Variants in PTPRF observed in about 807,000 individuals in gnomAD.
PTPRF encodes protein tyrosine phosphatase receptor type F.
A neutral mutation model predicts 201.8 loss-of-function variants in PTPRF; 59 were observed. The ratio of observed to expected loss-of-function variants is 0.29; its 90% CI spans 0.24 to 0.36. The LOEUF is 0.36. Ranked by LOEUF, PTPRF falls within the 10% of genes least tolerant of loss-of-function variation. PTPRF has a pLI of 1.00. For missense variants in PTPRF, 2,132 were observed against 2,690.5 expected, an observed-to-expected ratio of 0.79 and a Z score of 4.59; for synonymous variants, 1,088 against 1,089.7, an observed-to-expected ratio of 1.00 and a Z score of 0.03.
At chr1:43,606,105 G>T (rs907124575) in intron 19 of PTPRF, 135 bp from the exon 20 acceptor site, 160 of 916,722 alleles carry the variant, frequency 1.7e-4, no homozygotes, top group Non-Finnish European at 2.4e-4. Context: ...GGGGCAGTGG[G>T]TTGGGCAGGT....
Position 43,603,539 on chromosome 1 carries a change from TGA to T in PTPRF, c.2458+8_2458+9del. 6.2e-7 allele frequency: 1 copy of T among 1,612,750 alleles called. No individual in the cohort carries two copies. Among genetic ancestry groups the T allele is most frequent in the Non-Finnish European group, 8.5e-7 (1 of 1,179,482 alleles). On this transcript the variant is annotated splice_region_variant and intron_variant, in intron 15 of 33. Coordinates refer to ENST00000359947, the MANE Select transcript of PTPRF (RefSeq NM_002840.5). The surrounding 1 kb of genome is among the most constrained non-coding windows in gnomAD (Gnocchi z 5.8). ...TGTCACTACAACAGGTGCAGGTGAG[TGA>T]GGGGTCAGGACGGACCTGAGGGTGG... is the stretch of plus-strand genomic sequence containing the variant.
rs952021050 is a variant in PTPRF, at chr1:43,546,962, G to A, written c.91+1796G>A. On this transcript the variant is annotated intron_variant, in intron 3 of 33. Transcript: ENST00000359947. This position sits in a 1 kb window ranked among gnomAD's most constrained non-coding sequence, Gnocchi z 4.2. The stretch of plus-strand genomic sequence containing the variant: ...ACCCTCGGCTCTTGGGCTTTTGCAC[G>A]CAACAGCCTCCTGACGGTTTCCCTG... Among the ~76,000 whole-genome samples the A allele has an allele frequency of 7.2e-5, 11 of 151,816 alleles. No homozygotes were observed. Among genetic ancestry groups the A allele is most frequent in the Non-Finnish European group, 5.9e-5 (4 of 68,016 alleles).
At position 43,619,496 on chromosome 1, in the gene PTPRF, A is replaced by G; in HGVS notation, c.4855A>G (p.Asn1619Asp). 6.2e-7 allele frequency: 1 copy of G among 1,614,024 alleles called. No individual in the cohort carries two copies. The highest frequency in any genetic ancestry group is 8.5e-7 in the Non-Finnish European group (1 of 1,180,032). ...TCGHTEVPAR[N>D]LYAHIQKLGQ... is the part of the protein sequence containing the mutation. ...CGGCCACACAGAGGTGCCTGCCCGC[A>G]ACCTGTATGCCCACATCCAGAAGCT... The change falls in exon 28 of 34, where the codon AAC becomes GAC. Residue 1619 changes from asparagine (N) to aspartate (D), a missense_variant. By Grantham distance (23) the Asn-to-Asp change is conservative (BLOSUM62 1). Around this residue, in one of 6 missense-constraint regions of PTPRF, gnomAD observed 519 missense variants for 659.5 expected, o/e 0.79. Transcript: ENST00000359947.
chr1:43,621,918 G>GC lies in PTPRF; in HGVS notation c.5656-12dup, dbSNP rs1212982308. 1 of 1,613,752 alleles carries GC rather than the reference G, an allele frequency of 6.2e-7. No individual in the cohort carries two copies. Among genetic ancestry groups the GC allele is most frequent in the Non-Finnish European group, 8.5e-7 (1 of 1,179,846 alleles). On this transcript the variant is annotated splice_polypyrimidine_tract_variant and intron_variant, in intron 33 of 33. Transcript: ENST00000359947. ...CCACTGGCGCGACCCACACTGACCA[G>GC]CCCCCTATCCTGGCAGGACCAGTAT... is the stretch of plus-strand genomic sequence containing the variant.
At chr1:43,618,820 G>A (rs1191266561) in intron 26 of PTPRF, 71 bp downstream of exon 26, 11 of 1,559,580 alleles carry the variant, frequency 7.1e-6, no homozygotes, top group Non-Finnish European at 8.7e-6. Context: ...GTGGTGTGCT[G>A]GGTCGGGGGG....
In PTPRF at chr1:43,602,004, C is replaced by CCAGGCCCTCTCCAGGT. The variant is rs1441314909; in HGVS notation, c.2314-63_2314-48dup. On this transcript the variant is annotated intron_variant, in intron 13 of 33. Coordinates refer to ENST00000359947, the MANE Select transcript of PTPRF (RefSeq NM_002840.5). ...CTCCCTGGGCAAGGTCCCTTCCAGG[C>CCAGGCCCTCTCCAGGT]CAGGCCCTCTCCAGGTCAGAGTCCT... The CCAGGCCCTCTCCAGGT allele has an allele frequency of 2.6e-4, 411 of 1,560,352 alleles. 1 individual carries two copies. In the South Asian group the frequency reaches 4.3e-3, roughly 16 times the overall value.
At chr1:43,575,022 T>C (rs903312319) in intron 6 of PTPRF, among the ~76,000 whole-genome samples, 2 of 152,178 alleles carry the variant, frequency 1.3e-5, no homozygotes, top group African/African-American at 4.8e-5. Context: ...TCCCCAGACG[T>C]GGGCAGGAAG....
At chr1:43,556,028 A>G (rs115637299) in intron 5 of PTPRF, among the ~76,000 whole-genome samples, 226 of 152,322 alleles carry the variant, frequency 1.5e-3, no homozygotes, top group African/African-American at 5.3e-3. Flanking sequence ...AGGGCAGAAG[A>G]GGGCCTCTTT....
At chr1:43,592,731 C>A in intron 11 of PTPRF, 130 bp downstream of exon 11, 1 of 1,171,112 alleles carries the variant, frequency 8.5e-7, no homozygotes, top group Non-Finnish European at 1.1e-6. Flanking sequence ...GAACTCTGGC[C>A]TGGGCTCTGA....
At chr1:43,621,369 A>G (rs1166030358) in intron 33 of PTPRF, 137 bp downstream of exon 33, 2 of 1,225,546 alleles carry the variant, frequency 1.6e-6, no homozygotes, top group East Asian at 2.6e-5. Context: ...TGCGATAGGC[A>G]TGGTGGTGTG....
At chr1:43,616,795 T>C (rs1415872442) in intron 23 of PTPRF, among the ~76,000 whole-genome samples, 1 of 151,922 alleles carries the variant, frequency 6.6e-6, no homozygotes, top group Non-Finnish European at 1.5e-5. Flanking sequence ...GTGCTGCTGC[T>C]GAGGTTATGG....
chr1:43,564,056 C>T (rs1318552691), intron 5 of PTPRF, among the ~76,000 whole-genome samples: 3 of 152,166 alleles, frequency 2.0e-5, no homozygotes, highest in African/African-American at 4.8e-5. Flanking sequence ...ACAAAACAGG[C>T]TTTTAAGATG....
At position 43,542,736 on chromosome 1, in the gene PTPRF, C is replaced by T. The variant is rs1200532628; in HGVS notation, c.-45-2295C>T. Among the ~76,000 whole-genome samples, 4 of 152,176 alleles carry T rather than the reference C, an allele frequency of 2.6e-5. No homozygotes were observed. Among genetic ancestry groups the T allele is most frequent in the East Asian group, 1.9e-4 (1 of 5,180 alleles). ...CCATGATGTCTGTACCCTCTGTGTC[C>T]GCCCACGTGATGTCTAGACCACACC... On this transcript the variant is annotated intron_variant, in intron 2 of 33. Coordinates refer to ENST00000359947, the MANE Select transcript of PTPRF (RefSeq NM_002840.5). This position sits in a 1 kb window ranked among gnomAD's most constrained non-coding sequence, Gnocchi z 5.2.
intron 2 of PTPRF, among the ~76,000 whole-genome samples, chr1:43,538,755 G>GA (rs1243930903): frequency 6.6e-6 from 1 of 152,200 alleles, no homozygotes; most frequent in East Asian, 1.9e-4. Flanking sequence ...GGTTGTCGTA[G>GA]AAAGAGCTTG....
rs117138307 is a variant in PTPRF, at chr1:43,547,182, C to T, written c.91+2016C>T. On this transcript the variant is annotated intron_variant, in intron 3 of 33. Transcript: ENST00000359947. ...AACCTCATCCCTCGCTGTCCCTCCA[C>T]CCACCCCACTCACCCACCACGCTGA... 8.3e-4 allele frequency among the ~76,000 whole-genome samples: 126 copies of T among 152,228 alleles called. 3 individuals are homozygous for T. In the East Asian group the frequency reaches 0.024, roughly 28 times the overall value.
Position 43,621,119 on chromosome 1 carries a change from G to A in PTPRF, c.5542G>A (p.Val1848Met). The A allele has an allele frequency of 6.2e-7, 1 of 1,614,216 alleles. No individual in the cohort carries two copies. Among genetic ancestry groups the A allele is most frequent in the Non-Finnish European group, 8.5e-7 (1 of 1,180,024 alleles). Residue 1848 changes from valine (V) to methionine (M), a missense_variant, in exon 33 of 34, where the codon GTG becomes ATG. Coordinates refer to ENST00000359947, the MANE Select transcript of PTPRF (RefSeq NM_002840.5). ...CAGTGCTGGCGTGGGCCGCACCGGG[G>A]TGTTCATCACTCTGAGCATCGTCCT... ...HCSAGVGRTGVFITLSIVLER... is the reference protein window; with the variant it reads ...HCSAGVGRTGMFITLSIVLER...
intron 6 of PTPRF, among the ~76,000 whole-genome samples, chr1:43,575,556 G>A (rs895928347): frequency 6.6e-6 from 1 of 152,080 alleles, no homozygotes; most frequent in African/African-American, 2.4e-5. Context: ...TGGCCCTGTG[G>A]GGTGGGGTTA....
At chr1:43,556,894 G>T (rs969137112) in intron 5 of PTPRF, among the ~76,000 whole-genome samples, 2 of 152,246 alleles carry the variant, frequency 1.3e-5, no homozygotes, top group Non-Finnish European at 2.9e-5. Context: ...CAGCTCCACT[G>T]CCTGCTCCCA....
At position 43,589,064 on chromosome 1, in the gene PTPRF, G is replaced by A. The variant is rs188346050; in HGVS notation, c.949+64G>A. ...CATCTGGGAGGTCCTGGTGGTGGGC[G>A]AATGTGAGCTGGCTGCCATGGGCAC... On this transcript the variant is annotated intron_variant, in intron 8 of 33. Transcript: ENST00000359947. 5.4e-5 allele frequency: 79 copies of A among 1,456,966 alleles called. No individual in the cohort carries two copies. The African/African-American group carries it at 1.0e-3, about 19-fold the overall frequency. The allele number at this position is 1,456,966 out of a possible 1,614,324, so 90.3% of individuals were successfully genotyped here. A position where few individuals can be genotyped will look rare whatever the true frequency, so the allele number is the denominator to read the frequency against.
Sources: gnomAD v4.1 joint callset for allele counts (sites outside exome capture counted in the v4.1 genomes callset) on GRCh38, gnomAD v4.1.1 for gene constraint, gnomAD v4.1.1 regional missense constraint, Gnocchi (gnomAD v3.1) non-coding constraint, MANE v1.5 for transcripts, NCBI Gene and HGNC (gene_info 2026-07-23, HGNC 2026-07-21) for gene names.